Variants in THEM5 observed in about 807,000 individuals in gnomAD.
THEM5 encodes thioesterase superfamily member 5, also known as acyl-coenzyme A thioesterase THEM5.
THEM5 carries 28 observed loss-of-function variants against 24.2 expected under a neutral mutation model. The observed-to-expected ratio is 1.16, with a 90% confidence interval of 0.86 to 1.59. The LOEUF is 1.59. Ranked by LOEUF, THEM5 falls within the 40% of genes most tolerant of loss-of-function variation. THEM5 has a pLI of 0.00. For synonymous variants in THEM5, 87 were observed against 114.5 expected, an observed-to-expected ratio of 0.76 and a Z score of 1.53; for missense variants, 260 against 296.8, an observed-to-expected ratio of 0.88 and a Z score of 0.91.
chr1:151,848,373 T>C lies in THEM5; in HGVS notation c.465-81A>G, dbSNP rs188249882. On this transcript the variant is annotated intron_variant, in intron 3 of 5. Transcript: ENST00000368817. ...CCCTCAATGGGCCTTCCCTCCCTCC[T>C]GTGGTGATCCTACCTTTCCCTTTCC... is the stretch of plus-strand genomic sequence containing the variant. 1.6e-5 allele frequency: 17 copies of C among 1,088,720 alleles called. No homozygotes were observed. The East Asian group carries it at 3.6e-4, about 23-fold the overall frequency. 67.4% of individuals were successfully genotyped at this position (1,088,720 alleles called of 1,614,324 possible).
intron 2 of THEM5, 30 bp from the exon 3 acceptor site, chr1:151,851,221 G>C: frequency 1.2e-6 from 2 of 1,613,998 alleles, no homozygotes; most frequent in African/African-American, 1.3e-5. Context: ...GTTGCAGCCG[G>C]AGAAGGGAGG....
At position 151,852,348 on chromosome 1, in the gene THEM5, A is replaced by T; in HGVS notation, c.235T>A (p.Ser79Thr). ...LYQEFLEKTK[S>T]SGWIKLPSFK... ...GAGGGCAGCTTGATCCAGCCGCTAG[A>T]CTTAGTCTTCTCCAGAAATTCTTGG... Residue 79 changes from serine to threonine, a missense_variant, in exon 2 of 6, where the codon TCT (serine) becomes ACT (threonine). Ser to Thr is a moderately conservative substitution (Grantham distance 58). Transcript: ENST00000368817. 6.2e-7 allele frequency: 1 copy of T among 1,614,150 alleles called. No individual in the cohort carries two copies. The highest frequency in any genetic ancestry group is 8.5e-7 in the Non-Finnish European group (1 of 1,180,022).
chr1:151,849,647 T>G (rs1228362130), intron 3 of THEM5, among the ~76,000 whole-genome samples: 1 of 152,184 alleles, frequency 6.6e-6, no homozygotes, highest in Non-Finnish European at 1.5e-5. Context: ...TTTACACACT[T>G]CTTAGGCACT....
At chr1:151,848,061 G>T in intron 4 of THEM5, 121 bp downstream of exon 4, 1 of 1,419,092 alleles carries the variant, frequency 7.0e-7, no homozygotes, top group Non-Finnish European at 9.8e-7. Context: ...GAATTGCTTG[G>T]GAGTGGGCTG....
chr1:151,848,159 AT>A (rs1472485443), intron 4 of THEM5, 22 bp downstream of exon 4: 1 of 1,610,746 alleles, frequency 6.2e-7, no homozygotes, highest in Non-Finnish European at 8.5e-7. Flanking sequence ...ACTTTGGCCA[AT>A]GCCCCAGGGG....
At chr1:151,847,673 C>T (rs1652975062) in intron 5 of THEM5, 65 bp downstream of exon 5, 1 of 1,594,352 alleles carries the variant, frequency 6.3e-7, no homozygotes, top group African/African-American at 1.3e-5. Flanking sequence ...TTTTCTTCCT[C>T]CTGTTTGTTC....
At position 151,853,567 on chromosome 1, in the gene THEM5, G is replaced by C; in HGVS notation, c.-2C>G. On this transcript the variant is annotated 5_prime_UTR_variant, in exon 1 of 6. Coordinates refer to ENST00000368817, the MANE Select transcript of THEM5 (RefSeq NM_182578.4). ...CACCTGGAAGCATCTCCTTATCATG[G>C]CCAAGTGCAAGGATCCAGCCCTGCT... The C allele has an allele frequency of 6.2e-7, 1 of 1,611,246 alleles. No individual in the cohort carries two copies. The highest frequency in any genetic ancestry group is 1.1e-5 in the South Asian group (1 of 90,572).
intron 5 of THEM5, 130 bp from the exon 6 acceptor site, chr1:151,847,544 T>A: frequency 5.7e-6 from 8 of 1,404,064 alleles, no homozygotes; most frequent in Non-Finnish European, 8.0e-6. Context: ...GTTGGATAAC[T>A]CATATATAGA....
chr1:151,848,153 T>C (rs1410772770), intron 4 of THEM5, 29 bp downstream of exon 4: 1 of 1,606,908 alleles, frequency 6.2e-7, no homozygotes, highest in African/African-American at 1.3e-5. Context: ...TCTGTGACTT[T>C]GGCCAATGCC....
At chr1:151,852,113 T>C in intron 2 of THEM5, 145 bp downstream of exon 2, 1 of 768,954 alleles carries the variant, frequency 1.3e-6, no homozygotes, top group Non-Finnish European at 2.2e-6. Context: ...CCGCCGCCTG[T>C]TGCCTGGGGC....
chr1:151,847,999 G>T, intron 4 of THEM5, 137 bp from the exon 5 acceptor site: 2 of 1,501,522 alleles, frequency 1.3e-6, no homozygotes, highest in Non-Finnish European at 1.8e-6. Flanking sequence ...GGGCCTTTTT[G>T]TCAGCTCCCA....
Position 151,852,253 on chromosome 1 carries a change from C to G in THEM5, c.325+5G>C. ...GGGTGTGTGTACTCATGGTCCTGTC[C>G]TTACCTGAGGAAACTGCCAGTCCAG... is the stretch of plus-strand genomic sequence containing the variant. On this transcript the variant is annotated splice_donor_5th_base_variant and intron_variant, in intron 2 of 5. Coordinates refer to ENST00000368817, the MANE Select transcript of THEM5 (RefSeq NM_182578.4). The G allele has an allele frequency of 6.2e-7, 1 of 1,612,948 alleles. No homozygotes were observed. Among genetic ancestry groups the G allele is most frequent in the Non-Finnish European group, 8.5e-7 (1 of 1,179,952 alleles).
rs527846747 is a variant in THEM5 at position 151,848,211 on chromosome 1, G to A, written c.546C>T (p.Phe182=). Residue 182 remains phenylalanine (F), a synonymous_variant, in exon 4 of 6, where the codon TTC becomes TTT. Transcript: ENST00000368817. ...KTAFLAGEGL[F]TLSLNIRFKN... ...TGAACCTGATGTTGAGACTTAGTGT[G>A]AACAGCCCCTCTCCAGCCAGGAAGG... 19 of 1,614,098 alleles carry A rather than the reference G, an allele frequency of 1.2e-5. 1 individual carries two copies. The South Asian group carries it at 1.9e-4, about 16-fold the overall frequency.
At chr1:151,850,947 C>T (rs1415693682) in intron 3 of THEM5, 106 bp downstream of exon 3, 12 of 1,421,792 alleles carry the variant, frequency 8.4e-6, no homozygotes, top group African/African-American at 1.4e-5. Context: ...CTCCCTTCCT[C>T]ACCCCTTAGA....
At position 151,853,551 on chromosome 1, in the gene THEM5, G is replaced by C. The variant is rs1280925934; in HGVS notation, c.15C>G (p.Cys5Trp). The part of the protein sequence containing the change: MIRR[C>W]FQVAARLGHH... ...GGCCAAGTCTTGCTGCCACCTGGAAGCATCTCCTTATCATGGCCAAGTGCA... is the reference window on the plus strand; with the variant it reads ...GGCCAAGTCTTGCTGCCACCTGGAACCATCTCCTTATCATGGCCAAGTGCA... The change falls in exon 1 of 6, where the codon TGC becomes TGG. Residue 5 changes from cysteine to tryptophan, a missense_variant. Coordinates refer to ENST00000368817, the MANE Select transcript of THEM5 (RefSeq NM_182578.4). 6.2e-7 allele frequency: 1 copy of C among 1,612,872 alleles called. No individual in the cohort carries two copies. The highest frequency in any genetic ancestry group is 8.5e-7 in the Non-Finnish European group (1 of 1,179,340).
In THEM5 at chr1:151,852,316, C is replaced by T. The variant is rs1339999401; in HGVS notation, c.267G>A (p.Lys89=). ...SSGWIKLPSF[K]SNRDHIRGLK... ...GTCCCCGGATGTGGTCTCTGTTGGA[C>T]TTGAAGGAGGGCAGCTTGATCCAGC... is the stretch of plus-strand genomic sequence containing the variant. The change falls in exon 2 of 6, where the codon AAG becomes AAA. Residue 89 remains lysine (K), a synonymous_variant. Transcript: ENST00000368817. 1 of 1,614,156 alleles carries T rather than the reference C, an allele frequency of 6.2e-7. No homozygotes were observed. Among genetic ancestry groups the T allele is most frequent in the East Asian group, 2.2e-5 (1 of 44,872 alleles).
chr1:151,851,052 C>T lies in THEM5; in HGVS notation c.464+1G>A, dbSNP rs1230441505. 2 of 1,614,016 alleles carry T rather than the reference C, an allele frequency of 1.2e-6. No homozygotes were observed. The highest frequency in any genetic ancestry group is 2.2e-5 in the East Asian group (1 of 44,892). On this transcript the variant is annotated splice_donor_variant, in intron 3 of 5. Transcript: ENST00000368817. LOFTEE classifies it high-confidence loss of function. ...AGCCAAGGTCCTACCAGTGACCTTA[C>T]CCTGGGGGCCCCTCCAGGTAGGAGC...
At chr1:151,847,887 A>G (rs780219374) in intron 4 of THEM5, 25 bp from the exon 5 acceptor site, 29 of 1,613,320 alleles carry the variant, frequency 1.8e-5, no homozygotes, top group Non-Finnish European at 2.4e-5. Context: ...AGCTTAGCCC[A>G]TCTCTCATGT....
chr1:151,847,737 C>T lies in THEM5; in HGVS notation c.700+1G>A. ...TGGGGCTGGGCTGGGGGCTCCTTTA[C>T]CTGAGGACTTGGCATAAACTGTCTG... On this transcript the variant is annotated splice_donor_variant, in intron 5 of 5. Coordinates refer to ENST00000368817, the MANE Select transcript of THEM5 (RefSeq NM_182578.4). LOFTEE classifies it high-confidence loss of function. 2 of 1,613,198 alleles carry T rather than the reference C, an allele frequency of 1.2e-6. No homozygotes were observed. The highest frequency in any genetic ancestry group is 1.7e-6 in the Non-Finnish European group (2 of 1,179,934).
Sources: allele counts gnomAD v4.1 joint callset (sites outside exome capture counted in the v4.1 genomes callset), GRCh38; gene constraint gnomAD v4.1.1; transcripts MANE v1.5; gene names NCBI Gene and HGNC (gene_info 2026-07-23, HGNC 2026-07-21).